The following NELL1 variants were observed in gnomAD, a reference collection of about 807,000 sequenced individuals.
The protein encoded by NELL1 is protein kinase C-binding protein NELL1.
NELL1 carries 76 observed loss-of-function variants against 107.4 expected under a neutral mutation model. The observed-to-expected ratio is 0.71, with a 90% confidence interval of 0.59 to 0.86. The LOEUF (loss-of-function observed/expected upper bound fraction) is 0.86, where lower values mean the gene tolerates loss of function less well. NELL1 is among the 40% of genes least tolerant of loss of function. NELL1 has a pLI of 0.00. For synonymous variants in NELL1, 353 were observed against 341.2 expected (o/e 1.03, Z -0.38); for missense variants, 1,024 against 1,005.5 (o/e 1.02, Z -0.25).
intron 15 of NELL1, among the ~76,000 whole-genome samples, chr11:21,502,070 A>G (rs4587725): frequency 0.98 from 148,472 of 152,262 alleles, 72,479 homozygotes; most frequent in East Asian, 1. Flanking sequence ...AATCCTAGTG[A>G]CCTCTGAAGA....
intron 13 of NELL1, among the ~76,000 whole-genome samples, chr11:21,123,795 A>G (rs1037595009): frequency 6.6e-6 from 1 of 152,234 alleles, no homozygotes; most frequent in South Asian, 2.1e-4. Context: ...AACTGGAAGC[A>G]GCGTAAATAT....
At chr11:21,102,637 T>A (rs1336945300) in intron 12 of NELL1, among the ~76,000 whole-genome samples, 2 of 152,240 alleles carry the variant, frequency 1.3e-5, no homozygotes, top group African/African-American at 2.4e-5. Flanking sequence ...AAATGTTACC[T>A]GTTGTTATTT....
At chr11:20,756,169 C>T (rs145909101) in intron 2 of NELL1, among the ~76,000 whole-genome samples, 72 of 152,000 alleles carry the variant, frequency 4.7e-4, no homozygotes, top group Middle Eastern at 6.8e-3. Flanking sequence ...CGTGAGCCAC[C>T]GCGCCTGGCC....
In NELL1 at chr11:20,692,652, A is replaced by G. The variant is rs542878179; in HGVS notation, c.184+14592A>G. Among the ~76,000 whole-genome samples the G allele has an allele frequency of 1.9e-4, 29 of 151,792 alleles. 1 individual carries two copies. The East Asian group carries it at 4.8e-3, about 25-fold the overall frequency. On this transcript the variant is annotated intron_variant, in intron 2 of 19. Transcript: ENST00000357134. Reference sequence around the variant, plus strand: ...TTGATTACACTGTGGTCTGAGAGACAGTTTGTTATAGTTTCTGTTCTTTTA... The same window carrying G: ...TTGATTACACTGTGGTCTGAGAGACGGTTTGTTATAGTTTCTGTTCTTTTA...
At chr11:20,748,113 T>G (rs1856044735) in intron 2 of NELL1, among the ~76,000 whole-genome samples, 1 of 152,168 alleles carries the variant, frequency 6.6e-6, no homozygotes, top group Admixed American at 6.5e-5. Context: ...CCAAAATTTT[T>G]GTCCTCTTGC....
intron 13 of NELL1, chr11:21,170,161 A>T (rs991364537): frequency 5.1e-5 from 33 of 646,554 alleles, no homozygotes; most frequent in Non-Finnish European, 7.9e-5. Flanking sequence ...CATGACTGGG[A>T]TGTGATCTAA....
At chr11:21,244,575 A>C (rs1468757406) in intron 14 of NELL1, among the ~76,000 whole-genome samples, 3 of 152,176 alleles carry the variant, frequency 2.0e-5, no homozygotes, top group Non-Finnish European at 4.4e-5. Context: ...AAATTTAAGG[A>C]CTTTTGAATA....
intron 15 of NELL1, among the ~76,000 whole-genome samples, chr11:21,524,487 G>T (rs1855802044): frequency 6.6e-6 from 1 of 152,086 alleles, no homozygotes; most frequent in Non-Finnish European, 1.5e-5. Context: ...AAAGAAAGAG[G>T]ACTTCTTGGT....
intron 12 of NELL1, among the ~76,000 whole-genome samples, chr11:21,021,767 A>T (rs1852707171): frequency 1.3e-5 from 2 of 152,124 alleles, no homozygotes; most frequent in South Asian, 4.1e-4. Flanking sequence ...TTTCTCTTGA[A>T]TTCCAAATGG....
intron 3 of NELL1, among the ~76,000 whole-genome samples, chr11:20,833,946 C>T (rs373216534): frequency 1.3e-5 from 2 of 152,312 alleles, no homozygotes; most frequent in East Asian, 3.9e-4. Context: ...TCCTGAAGCG[C>T]ATGCCTAAGA....
rs200227902 is a variant in NELL1, at chr11:20,885,468, T to C, written c.531T>C (p.Pro177=). 8.7e-6 allele frequency: 14 copies of C among 1,612,824 alleles called. No individual in the cohort carries two copies. Among genetic ancestry groups the C allele is most frequent in the African/African-American group, 2.7e-5 (2 of 75,010 alleles). Residue 177 remains proline, a synonymous_variant, in exon 5 of 20, where the codon CCT becomes CCC. Coordinates refer to ENST00000357134, the MANE Select transcript of NELL1 (RefSeq NM_006157.5). Reference sequence around the variant, plus strand: ...GGATTTATGAGCGTGTGATAGACCCTCCAGATACCAACCTTCCCCCAGGAA... The same window carrying C: ...GGATTTATGAGCGTGTGATAGACCCCCCAGATACCAACCTTCCCCCAGGAA... ...CNRIYERVID[P]PDTNLPPGIN... is the part of the protein sequence containing the mutation.
At chr11:20,856,433 G>A (rs1441517616) in intron 4 of NELL1, among the ~76,000 whole-genome samples, 2 of 152,212 alleles carry the variant, frequency 1.3e-5, no homozygotes, top group African/African-American at 2.4e-5. Flanking sequence ...TAGTCTGAGG[G>A]TGTCACTTTT....
chr11:21,407,117 T>C (rs1393987739), intron 15 of NELL1, among the ~76,000 whole-genome samples: 1 of 152,010 alleles, frequency 6.6e-6, no homozygotes, highest in Non-Finnish European at 1.5e-5. Flanking sequence ...AATTCTGTCT[T>C]GAAATACTAT....
At chr11:20,707,715 G>T (rs1190508006) in intron 2 of NELL1, among the ~76,000 whole-genome samples, 5 of 152,204 alleles carry the variant, frequency 3.3e-5, no homozygotes, top group Non-Finnish European at 5.9e-5. Context: ...GTTGCTGTCT[G>T]ATCCTTCCTC....
chr11:21,277,096 T>G (rs1848881739), intron 14 of NELL1, among the ~76,000 whole-genome samples: 1 of 151,324 alleles, frequency 6.6e-6, no homozygotes, highest in Non-Finnish European at 1.5e-5. Flanking sequence ...GAAACTACCA[T>G]CAGAGTGAAC....
intron 14 of NELL1, among the ~76,000 whole-genome samples, chr11:21,281,558 T>C (rs1848994743): frequency 1.3e-5 from 2 of 152,080 alleles, no homozygotes; most frequent in Admixed American, 6.5e-5. Context: ...TTGAGTGAAC[T>C]TAGGGGGTAG....
chr11:21,285,644 G>A (rs779608233), intron 14 of NELL1, among the ~76,000 whole-genome samples: 2 of 152,170 alleles, frequency 1.3e-5, no homozygotes, highest in African/African-American at 2.4e-5. Flanking sequence ...GGACTCAAGA[G>A]TGTAGAGGTC....
At chr11:20,898,558 CTT>C (rs559985651) in intron 5 of NELL1, among the ~76,000 whole-genome samples, 2 of 150,296 alleles carry the variant, frequency 1.3e-5, no homozygotes, top group African/African-American at 4.9e-5. Flanking sequence ...TACCCTAAAA[CTT>C]AAAGTATAAT....
intron 3 of NELL1, among the ~76,000 whole-genome samples, chr11:20,805,354 A>G (rs1857360334): frequency 6.6e-6 from 1 of 151,464 alleles, no homozygotes; most frequent in South Asian, 2.1e-4. Flanking sequence ...TTTATTTTCT[A>G]GTTGTTTTGT....
Sources: allele counts gnomAD v4.1 joint callset (sites outside exome capture counted in the v4.1 genomes callset), GRCh38; gene constraint gnomAD v4.1.1; transcripts MANE v1.5; gene names NCBI Gene and HGNC (gene_info 2026-07-23, HGNC 2026-07-21).